CDK13: variants seen among roughly 807,000 people sequenced by gnomAD.
CDK13 encodes the protein cyclin dependent kinase 13, also known as cyclin-dependent kinase 13.
CDK13 carries 40 observed loss-of-function variants against 137.6 expected under a neutral mutation model. That is an observed-to-expected ratio of 0.29 (90% CI 0.23 to 0.38). CDK13 has a LOEUF of 0.38. Among genes scored for constraint, CDK13 ranks in the 10% least tolerant of loss-of-function variants. The probability of loss-of-function intolerance (pLI) is 1.00; values close to 1 mark genes in which losing one functional copy is unlikely to be tolerated. For synonymous variants in CDK13, 869 were observed against 760.1 expected, an observed-to-expected ratio of 1.14 and a Z score of -2.36; for missense variants, 1,704 against 1,951.8, an observed-to-expected ratio of 0.87 and a Z score of 2.39.
chr7:40,058,663 A>T (rs1218955989), intron 7 of CDK13, among the ~76,000 whole-genome samples: 7 of 152,132 alleles, frequency 4.6e-5, no homozygotes, highest in Admixed American at 3.3e-4. Flanking sequence ...AATGGCTTGG[A>T]CTAGGTATTT....
chr7:40,044,916 A>G (rs568666403), intron 5 of CDK13, among the ~76,000 whole-genome samples: 117 of 152,286 alleles, frequency 7.7e-4, no homozygotes, highest in Non-Finnish European at 6.5e-4. Flanking sequence ...GATTACAGGC[A>G]TGAGCCACTG....
intron 2 of CDK13, among the ~76,000 whole-genome samples, chr7:39,996,832 G>A (rs1347424375): frequency 1.3e-5 from 2 of 151,442 alleles, no homozygotes; most frequent in South Asian, 2.1e-4. Flanking sequence ...TTGTGGTGGC[G>A]GGCACCTGTA....
intron 9 of CDK13, among the ~76,000 whole-genome samples, chr7:40,077,105 C>G (rs374874225): frequency 6.6e-6 from 1 of 152,108 alleles, no homozygotes; most frequent in Non-Finnish European, 1.5e-5. Flanking sequence ...TTTCAAGATA[C>G]AGATAAACGA....
intron 1 of CDK13, among the ~76,000 whole-genome samples, chr7:39,981,038 A>G (rs1465848055): frequency 6.6e-6 from 1 of 152,202 alleles, no homozygotes; most frequent in Non-Finnish European, 1.5e-5. Flanking sequence ...ATATGTATTC[A>G]TTAATTTCTA....
intron 5 of CDK13, among the ~76,000 whole-genome samples, chr7:40,021,122 T>TACAC (rs1304409836): frequency 1.8e-5 from 2 of 108,522 alleles, no homozygotes; most frequent in African/African-American, 5.5e-5. Flanking sequence ...TATATATATA[T>TACAC]ACACACACAC....
chr7:40,037,946 A>G (rs548027489), intron 5 of CDK13, among the ~76,000 whole-genome samples: 38 of 152,308 alleles, frequency 2.5e-4, no homozygotes, highest in African/African-American at 8.9e-4. Flanking sequence ...AATTTGATAA[A>G]CATAAATCCA....
intron 5 of CDK13, among the ~76,000 whole-genome samples, chr7:40,038,154 T>C (rs1191093948): frequency 1.3e-5 from 2 of 152,174 alleles, no homozygotes; most frequent in East Asian, 3.9e-4. Context: ...TTTAAATGTT[T>C]GTTTCATCCT....
At chr7:40,024,645 GTTTTTTTTT>G (rs58010602) in intron 5 of CDK13, among the ~76,000 whole-genome samples, 17 of 50,280 alleles carry the variant, frequency 3.4e-4, no homozygotes, top group East Asian at 1.4e-3. Context: ...GTAGCTCTGT[GTTTTTTTTT>G]TTTTTTTTTT....
intron 9 of CDK13, among the ~76,000 whole-genome samples, chr7:40,068,528 T>C (rs535344723): frequency 3.8e-4 from 58 of 151,612 alleles, no homozygotes; most frequent in African/African-American, 1.3e-3. Context: ...TCCCTGTCTC[T>C]ACTAAAAATA....
chr7:39,979,207 CT>C (rs1365312131), intron 1 of CDK13, among the ~76,000 whole-genome samples: 1 of 118,222 alleles, frequency 8.5e-6, no homozygotes, highest in African/African-American at 4.1e-5. Context: ...TTTTTTCTTT[CT>C]TTTTTTTCTT....
At position 39,987,937 on chromosome 7, in the gene CDK13, A is replaced by C. The variant is rs1326573997; in HGVS notation, c.1550A>C (p.Lys517Thr). 3 of 1,614,112 alleles carry C rather than the reference A, an allele frequency of 1.9e-6. No homozygotes were observed. In the African/African-American group the frequency reaches 4.0e-5, roughly 22 times the overall value. Residue 517 changes from lysine to threonine, a missense_variant, in exon 2 of 14, where the codon AAA becomes ACA. Around this residue, in one of 5 missense-constraint regions of CDK13, gnomAD observed 1,051 missense variants for 931.0 expected, o/e 1.13. Coordinates refer to ENST00000181839, the MANE Select transcript of CDK13 (RefSeq NM_003718.5). ...ACAAACCATGTGAAGGATGTGAAGA[A>C]AATTAAAATTGAACATGCACCTTCT... is the stretch of plus-strand genomic sequence containing the variant. ...SQTNHVKDVK[K>T]IKIEHAPSPS...
At chr7:39,977,148 G>A (rs1784129085) in intron 1 of CDK13, among the ~76,000 whole-genome samples, 1 of 152,266 alleles carries the variant, frequency 6.6e-6, no homozygotes. Flanking sequence ...AGATGGATAA[G>A]CCTTGAATAG....
At chr7:40,091,455 G>A (rs1786922245) in intron 12 of CDK13, among the ~76,000 whole-genome samples, 1 of 152,040 alleles carries the variant, frequency 6.6e-6, no homozygotes, top group Admixed American at 6.5e-5. Context: ...ATGGGAGGCA[G>A]AGATTACATA....
In CDK13 at chr7:40,040,355, G is replaced by A. The variant is rs1785579263; in HGVS notation, c.2354-5481G>A. On this transcript the variant is annotated intron_variant, in intron 5 of 13. Coordinates refer to ENST00000181839, the MANE Select transcript of CDK13 (RefSeq NM_003718.5). ...TCATATAGTAAAGGTCCATATGTATGTGGATATATTTCTGAATTTTCTGTT... is the reference window on the plus strand; with the variant it reads ...TCATATAGTAAAGGTCCATATGTATATGGATATATTTCTGAATTTTCTGTT... Among the ~76,000 whole-genome samples the A allele has an allele frequency of 3.3e-5, 5 of 152,162 alleles. No homozygotes were observed. In the South Asian group the frequency reaches 8.3e-4, roughly 25 times the overall value.
intron 5 of CDK13, among the ~76,000 whole-genome samples, chr7:40,033,489 T>TAGA (rs1340289578): frequency 6.6e-6 from 1 of 152,322 alleles, no homozygotes; most frequent in South Asian, 2.1e-4. Context: ...GTACGTGGTG[T>TAGA]AGAAGGAACT....
At chr7:40,060,407 A>G (rs944680860) in intron 7 of CDK13, among the ~76,000 whole-genome samples, 1 of 152,208 alleles carries the variant, frequency 6.6e-6, no homozygotes, top group Non-Finnish European at 1.5e-5. Flanking sequence ...TAGGTTTGAT[A>G]TACTCATAGA....
At chr7:39,964,241 T>C (rs1459947792) in intron 1 of CDK13, among the ~76,000 whole-genome samples, 1 of 152,226 alleles carries the variant, frequency 6.6e-6, no homozygotes, top group African/African-American at 2.4e-5. Flanking sequence ...TGTGAATCCA[T>C]GTGGTCCTGG....
Position 40,080,807 on chromosome 7 carries a change from C to T in CDK13, c.3029+1956C>T, listed in dbSNP as rs368615365. Among the ~76,000 whole-genome samples the T allele has an allele frequency of 4.6e-5, 7 of 152,278 alleles. No individual in the cohort carries two copies. In the East Asian group the frequency reaches 1.2e-3, roughly 25 times the overall value. ...TTGGACACATTTGCTTTATCACTGT[C>T]TACTTTTTTCCTGAACTAGTTGGAT... On this transcript the variant is annotated intron_variant, in intron 11 of 13. Transcript: ENST00000181839.
intron 1 of CDK13, among the ~76,000 whole-genome samples, chr7:39,961,179 C>T (rs535727283): frequency 3.3e-5 from 5 of 151,958 alleles, no homozygotes; most frequent in African/African-American, 1.2e-4. Flanking sequence ...GCCAACATGG[C>T]GAAACCCCGT....
Sources: allele counts gnomAD v4.1 joint callset (sites outside exome capture counted in the v4.1 genomes callset), GRCh38; gene constraint gnomAD v4.1.1; regional missense constraint gnomAD v4.1.1; transcripts MANE v1.5; gene names NCBI Gene and HGNC (gene_info 2026-07-23, HGNC 2026-07-21).